ZFAT: variants seen among roughly 807,000 people sequenced by gnomAD.
ZFAT encodes zinc finger protein ZFAT.
ZFAT carries 64 observed loss-of-function variants against 117.7 expected under a neutral mutation model. The ratio of observed to expected loss-of-function variants is 0.54; its 90% confidence interval spans 0.44 to 0.67. The LOEUF is 0.67. Ranked by LOEUF, ZFAT falls within the 30% of genes least tolerant of loss-of-function variation. The probability of loss-of-function intolerance (pLI) is 0.00; values close to 1 mark genes in which losing one functional copy is unlikely to be tolerated. For missense variants in ZFAT, 1,433 were observed against 1,584.5 expected (o/e 0.90, Z 1.62); for synonymous variants, 679 against 615.0 (o/e 1.10, Z -1.54).
intron 15 of ZFAT, among the ~76,000 whole-genome samples, chr8:134,495,485 A>C (rs1245051200): frequency 1.3e-5 from 2 of 152,128 alleles, no homozygotes; most frequent in Admixed American, 1.3e-4. Flanking sequence ...GTTCATCATC[A>C]TGCCTCCCCC....
At chr8:134,539,568 G>A (rs771291963) in intron 11 of ZFAT, among the ~76,000 whole-genome samples, 1 of 152,146 alleles carries the variant, frequency 6.6e-6, no homozygotes, top group African/African-American at 2.4e-5. Flanking sequence ...TAACAACCTG[G>A]CTGATGTAGT....
chr8:134,609,228 A>T lies in ZFAT; in HGVS notation c.635-349T>A, dbSNP rs141520609. ...TGTTACTTGCAAGGTTTTATATAGGATCACCCGTGTCAAACTGCATTAAAG... is the reference window on the plus strand; with the variant it reads ...TGTTACTTGCAAGGTTTTATATAGGTTCACCCGTGTCAAACTGCATTAAAG... On this transcript the variant is annotated intron_variant, in intron 4 of 15. Coordinates refer to ENST00000377838, the MANE Select transcript of ZFAT (RefSeq NM_020863.4). Among the ~76,000 whole-genome samples, 1,452 of 152,112 alleles carry T rather than the reference A, an allele frequency of 9.5e-3. 9 individuals are homozygous for T. Among genetic ancestry groups the T allele is most frequent in the East Asian group, 0.039 (203 of 5,178 alleles).
chr8:134,530,922 T>C (rs1779999370), intron 12 of ZFAT, among the ~76,000 whole-genome samples: 2 of 152,202 alleles, frequency 1.3e-5, no homozygotes, highest in East Asian at 3.8e-4. Context: ...CGCCATTTTA[T>C]ATAATGGACT....
At chr8:134,820,652 A>C in the ZFAT span, among the ~76,000 whole-genome samples, 7 of 152,242 alleles carry the variant, frequency 4.6e-5, no homozygotes, top group Non-Finnish European at 8.8e-5. Flanking sequence ...CAGGATGAAA[A>C]ATATCTGCTC....
chr8:134,600,266 T>C (rs1827303690), intron 7 of ZFAT, 170 bp downstream of exon 7: 3 of 694,048 alleles, frequency 4.3e-6, no homozygotes, highest in Non-Finnish European at 7.7e-6. Context: ...AGACTCTTGC[T>C]GTGAAAGGAA....
chr8:134,633,412 T>C (rs1346897187), intron 3 of ZFAT, among the ~76,000 whole-genome samples: 3 of 152,172 alleles, frequency 2.0e-5, no homozygotes, highest in Non-Finnish European at 4.4e-5. Context: ...AAAATAATAA[T>C]AATAAATCTG....
At chr8:134,681,452 G>A (rs1833065951) in intron 1 of ZFAT, among the ~76,000 whole-genome samples, 1 of 152,182 alleles carries the variant, frequency 6.6e-6, no homozygotes, top group South Asian at 2.1e-4. Flanking sequence ...TGATGCTGCT[G>A]ACACAGTAGG....
At chr8:134,527,617 G>C (rs1038921352) in intron 12 of ZFAT, among the ~76,000 whole-genome samples, 3 of 152,226 alleles carry the variant, frequency 2.0e-5, no homozygotes, top group African/African-American at 7.2e-5. Context: ...GAAGTCACAT[G>C]CAAGCACTGA....
At chr8:134,808,334 C>A in the ZFAT span, among the ~76,000 whole-genome samples, 3 of 152,226 alleles carry the variant, frequency 2.0e-5, no homozygotes, top group Non-Finnish European at 2.9e-5. Context: ...GAGACTCAGC[C>A]TCCCAGGCTG....
chr8:134,754,622 C>G, the ZFAT span, among the ~76,000 whole-genome samples: 1 of 152,236 alleles, frequency 6.6e-6, no homozygotes, highest in Non-Finnish European at 1.5e-5. Flanking sequence ...ATTTTCTCAC[C>G]TGTAAAATAG....
chr8:134,534,530 C>T (rs1353370824), intron 11 of ZFAT, among the ~76,000 whole-genome samples: 2 of 151,070 alleles, frequency 1.3e-5, no homozygotes, highest in Non-Finnish European at 2.9e-5. Context: ...GATGAAGTAG[C>T]CCCATAGAGG....
At chr8:134,587,742 C>G (rs1826172354) in intron 9 of ZFAT, among the ~76,000 whole-genome samples, 1 of 152,208 alleles carries the variant, frequency 6.6e-6, no homozygotes, top group Non-Finnish European at 1.5e-5. Flanking sequence ...CACAGCCTAC[C>G]TTCTTCTCTC....
At chr8:134,820,254 T>C in the ZFAT span, among the ~76,000 whole-genome samples, 33 of 152,178 alleles carry the variant, frequency 2.2e-4, no homozygotes, top group Non-Finnish European at 4.4e-4. Flanking sequence ...GTTTAAAACA[T>C]ATTGACTGAT....
At chr8:134,514,952 C>CT (rs1440916974) in intron 13 of ZFAT, among the ~76,000 whole-genome samples, 5 of 152,164 alleles carry the variant, frequency 3.3e-5, no homozygotes, top group African/African-American at 1.2e-4. Context: ...AATGCTATCC[C>CT]TCCCCTAGCC....
intron 10 of ZFAT, among the ~76,000 whole-genome samples, chr8:134,579,882 G>C (rs1207797036): frequency 6.6e-6 from 1 of 151,562 alleles, no homozygotes; most frequent in Non-Finnish European, 1.5e-5. Context: ...AACCCAGGAG[G>C]TGGGGTTCAG....
chr8:134,489,249 C>T (rs62523696), intron 15 of ZFAT, among the ~76,000 whole-genome samples: 12,405 of 151,986 alleles, frequency 0.082, 632 homozygotes, highest in South Asian at 0.12. Context: ...TCTGGTATCC[C>T]GTGAAGAGGA....
chr8:134,615,648 AGTGGG>A (rs1164425934), intron 3 of ZFAT, among the ~76,000 whole-genome samples: 5 of 152,320 alleles, frequency 3.3e-5, no homozygotes, highest in Admixed American at 2.0e-4. Flanking sequence ...AGCTGCTTCC[AGTGGG>A]GAACCTAAGC....
At chr8:134,649,203 C>CACACACACACACACACA (rs35498428) in intron 2 of ZFAT, among the ~76,000 whole-genome samples, 10 of 143,882 alleles carry the variant, frequency 7.0e-5, no homozygotes, top group African/African-American at 2.4e-4. Context: ...ACACACACAC[C>CACACACACACACACACA]CCATCATACT....
chr8:134,624,956 G>A (rs1031126794), intron 3 of ZFAT, among the ~76,000 whole-genome samples: 5 of 151,034 alleles, frequency 3.3e-5, no homozygotes, highest in Non-Finnish European at 7.4e-5. Flanking sequence ...AGAGAGTAAA[G>A]TGTTATCAGC....
Sources: gnomAD v4.1 joint callset for allele counts (sites outside exome capture counted in the v4.1 genomes callset) on GRCh38, gnomAD v4.1.1 for gene constraint, MANE v1.5 for transcripts, NCBI Gene and HGNC (gene_info 2026-07-23, HGNC 2026-07-21) for gene names.